The following FSTL4 variants were observed in gnomAD, a reference collection of about 807,000 sequenced individuals.
FSTL4 encodes follistatin like 4.
FSTL4 carries 28 observed loss-of-function variants against 78.2 expected under a neutral mutation model. The ratio of observed to expected loss-of-function variants is 0.36; its 90% CI spans 0.27 to 0.49. The LOEUF (loss-of-function observed/expected upper bound fraction) is 0.49, where lower values mean the gene tolerates loss of function less well. Ranked by LOEUF, FSTL4 falls within the 20% of genes least tolerant of loss-of-function variation. The pLI is 0.98. For synonymous variants in FSTL4, 422 were observed against 440.5 expected (o/e 0.96, Z 0.53); for missense variants, 922 against 1,084.9 (o/e 0.85, Z 2.11).
At chr5:133,802,311 G>A in the FSTL4 span, among the ~76,000 whole-genome samples, 1 of 152,214 alleles carries the variant, frequency 6.6e-6, no homozygotes, top group African/African-American at 2.4e-5. Context: ...GGAAAGAGGA[G>A]AGAGAGGGAA....
chr5:133,274,380 C>CTTTTTTTT (rs59634629), intron 6 of FSTL4, among the ~76,000 whole-genome samples: 1,396 of 70,974 alleles, frequency 0.02, 214 homozygotes, highest in African/African-American at 0.076. Flanking sequence ...GCAATCTGTG[C>CTTTTTTTT]TTTTTTTTTT....
intron 2 of FSTL4, among the ~76,000 whole-genome samples, chr5:133,594,172 A>T (rs1561480608): frequency 6.6e-6 from 1 of 152,126 alleles, no homozygotes; most frequent in East Asian, 1.9e-4. Context: ...AGGCATGAAC[A>T]CTCAAGCATG....
At chr5:133,448,253 A>T (rs1580714622) in intron 3 of FSTL4, among the ~76,000 whole-genome samples, 1 of 152,294 alleles carries the variant, frequency 6.6e-6, no homozygotes, top group East Asian at 1.9e-4. Flanking sequence ...AGTCACAGTC[A>T]TGGCTTCTAG....
At chr5:133,618,231 T>C in the FSTL4 span, among the ~76,000 whole-genome samples, 2 of 152,190 alleles carry the variant, frequency 1.3e-5, no homozygotes, top group Admixed American at 1.3e-4. Context: ...TATATATATC[T>C]TCCTCTCAAA....
At chr5:133,547,026 T>G (rs984698545) in intron 3 of FSTL4, among the ~76,000 whole-genome samples, 3 of 152,164 alleles carry the variant, frequency 2.0e-5, no homozygotes, top group South Asian at 2.1e-4. Flanking sequence ...AGAGCCCCCA[T>G]TAAGTAATGC....
the FSTL4 span, among the ~76,000 whole-genome samples, chr5:133,808,850 C>T: frequency 4.1e-5 from 6 of 147,752 alleles, no homozygotes; most frequent in Non-Finnish European, 9.0e-5. Flanking sequence ...ACTCACTCCC[C>T]GCCCCCCGCC....
chr5:133,828,203 G>C, the FSTL4 span, among the ~76,000 whole-genome samples: 2 of 152,312 alleles, frequency 1.3e-5, no homozygotes, highest in Admixed American at 1.3e-4. Context: ...GGGTCTGGTG[G>C]CTTCCTGGGG....
chr5:133,346,610 T>C (rs186039390), intron 4 of FSTL4, among the ~76,000 whole-genome samples: 7 of 152,248 alleles, frequency 4.6e-5, no homozygotes, highest in African/African-American at 1.7e-4. Context: ...CAACTGTGGG[T>C]CTTTTTTCAT....
Position 133,225,832 on chromosome 5 carries a change from G to T in FSTL4, c.1016-13C>A. 1 of 1,546,672 alleles carries T rather than the reference G, an allele frequency of 6.5e-7. No homozygotes were observed. ...ATGACTGGCGGCACTGTGGGTGAGA[G>T]TCAGTGCTGGTGAGAAAGAGACGGC... is the stretch of plus-strand genomic sequence containing the variant. On this transcript the variant is annotated splice_polypyrimidine_tract_variant and intron_variant, in intron 8 of 15. Transcript: ENST00000265342. The surrounding 1 kb of genome is among the most constrained non-coding windows in gnomAD (Gnocchi z 4.6).
the FSTL4 span, among the ~76,000 whole-genome samples, chr5:133,706,658 A>G: frequency 6.6e-6 from 1 of 152,194 alleles, no homozygotes; most frequent in African/African-American, 2.4e-5. Context: ...TGCAAATTAC[A>G]GACTTGCATA....
At chr5:133,280,905 G>A (rs933876213) in intron 6 of FSTL4, among the ~76,000 whole-genome samples, 1 of 152,108 alleles carries the variant, frequency 6.6e-6, no homozygotes, top group African/African-American at 2.4e-5. Context: ...CCTCAGACAG[G>A]TGCCCTACCC....
the FSTL4 span, among the ~76,000 whole-genome samples, chr5:133,693,909 G>A: frequency 6.6e-6 from 1 of 152,060 alleles, no homozygotes; most frequent in Admixed American, 6.6e-5. Flanking sequence ...ACTGGTTGTT[G>A]CCCACCCACA....
intron 4 of FSTL4, among the ~76,000 whole-genome samples, chr5:133,390,720 T>C (rs1254373158): frequency 1.3e-5 from 2 of 152,234 alleles, no homozygotes; most frequent in Non-Finnish European, 2.9e-5. Context: ...CACTCTCTGC[T>C]GATGGAGATG....
At chr5:133,381,611 T>C (rs551802487) in intron 4 of FSTL4, among the ~76,000 whole-genome samples, 2 of 152,326 alleles carry the variant, frequency 1.3e-5, no homozygotes, top group South Asian at 4.1e-4. Flanking sequence ...CACAGCCTAA[T>C]TCCTAAAACA....
At chr5:133,417,958 TAAAAAAAAAAAAAAAA>T (rs527415337) in intron 3 of FSTL4, among the ~76,000 whole-genome samples, 3 of 51,144 alleles carry the variant, frequency 5.9e-5, no homozygotes, top group South Asian at 5.6e-4. Context: ...GACTCCATCT[TAAAAAAAAAAAAAAAA>T]AAAAAAAAAA....
chr5:133,551,849 G>C (rs908352831), intron 3 of FSTL4, among the ~76,000 whole-genome samples: 5 of 152,152 alleles, frequency 3.3e-5, no homozygotes, highest in African/African-American at 1.2e-4. Flanking sequence ...AATATACGCG[G>C]AATGTCTTAA....
chr5:133,568,218 G>A (rs1222532022), intron 2 of FSTL4, among the ~76,000 whole-genome samples: 1 of 152,110 alleles, frequency 6.6e-6, no homozygotes, highest in African/African-American at 2.4e-5. Flanking sequence ...CTAATATAAA[G>A]TATCTCCAAT....
rs1038493541 is a variant in FSTL4, at chr5:133,440,060, G to C, written c.161-39074C>G. On this transcript the variant is annotated intron_variant, in intron 3 of 15. Transcript: ENST00000265342. The surrounding 1 kb of genome is among the most constrained non-coding windows in gnomAD (Gnocchi z 4.1). ...AGCCCTGGGGGTGGGGGACATGCTG[G>C]GGTCGGGAGGAAGGAAAGGAAGAGT... 6.6e-6 allele frequency among the ~76,000 whole-genome samples: 1 copy of C among 152,164 alleles called. No individual in the cohort carries two copies. Among genetic ancestry groups the C allele is most frequent in the Non-Finnish European group, 1.5e-5 (1 of 68,026 alleles).
rs762422478 is a variant in FSTL4 at position 133,249,448 on chromosome 5, C to T, written c.856G>A (p.Gly286Arg). The change falls in exon 7 of 16, where the codon GGG (glycine) becomes AGG (arginine). Residue 286 changes from glycine (G) to arginine (R), a missense_variant. Physicochemically the swap from Gly to Arg is moderately radical, Grantham distance 125. Transcript: ENST00000265342. ...AAGTCCAGGAAGTTCAGGGTGAGCC[C>T]GTTGCGCTTCCAGATGATTGGTGGC... ...LRPPIIWKRN[G>R]LTLNFLDLED... 1.8e-5 allele frequency: 29 copies of T among 1,614,018 alleles called. No homozygotes were observed. The highest frequency in any genetic ancestry group is 5.5e-5 in the South Asian group (5 of 91,068).
Sources: gnomAD v4.1 joint callset for allele counts (sites outside exome capture counted in the v4.1 genomes callset) on GRCh38, gnomAD v4.1.1 for gene constraint, Gnocchi (gnomAD v3.1) non-coding constraint, MANE v1.5 for transcripts, NCBI Gene and HGNC (gene_info 2026-07-23, HGNC 2026-07-21) for gene names.